The following PPM1B variants were observed in gnomAD, a reference collection of about 807,000 sequenced individuals.
PPM1B encodes protein phosphatase 1B.
A neutral mutation model predicts 43.0 loss-of-function variants in PPM1B; 22 were observed. That is an observed-to-expected ratio of 0.51 (90% CI 0.37 to 0.73). The LOEUF is 0.73. Ranked by LOEUF, PPM1B falls within the 30% of genes least tolerant of loss-of-function variation. The pLI is 0.00. For missense variants in PPM1B, 632 were observed against 584.2 expected (o/e 1.08, Z -0.84); for synonymous variants, 217 against 197.9 (o/e 1.10, Z -0.81).
At chr2:44,171,591 A>G (rs1222560892) in intron 1 of PPM1B, among the ~76,000 whole-genome samples, 1 of 152,092 alleles carries the variant, frequency 6.6e-6, no homozygotes, top group African/African-American at 2.4e-5. Context: ...GCACTTTGGG[A>G]GGCTGAGGCG....
At chr2:44,194,793 T>C (rs1668580385) in intron 1 of PPM1B, among the ~76,000 whole-genome samples, 1 of 152,144 alleles carries the variant, frequency 6.6e-6, no homozygotes. Flanking sequence ...TTTATATCAC[T>C]GGTTTTCTGT....
At chr2:44,240,284 T>C (rs1480988188) in intron 5 of PPM1B, among the ~76,000 whole-genome samples, 2 of 146,206 alleles carry the variant, frequency 1.4e-5, no homozygotes, top group Admixed American at 6.8e-5. Flanking sequence ...CCTATAATTA[T>C]TTTGTGTGTT....
At position 44,209,277 on chromosome 2, in the gene PPM1B, C is replaced by T. The variant is rs765194049; in HGVS notation, c.914C>T (p.Ala305Val). Residue 305 changes from alanine to valine, a missense_variant, in exon 3 of 6, where the codon GCG (alanine) becomes GTG (valine). By Grantham distance (64) the Ala-to-Val change is moderately conservative. Transcript: ENST00000282412. ...FSNAPKVSDEAVKKDSELDKH... is the reference protein window; with the variant it reads ...FSNAPKVSDEVVKKDSELDKH... ...AATGCTCCCAAGGTCTCAGATGAAG[C>T]GGTGAAAAAAGATTCAGAGTTGGAT... 20 of 1,613,314 alleles carry T rather than the reference C, an allele frequency of 1.2e-5. No individual in the cohort carries two copies. Among genetic ancestry groups the T allele is most frequent in the African/African-American group, 9.4e-5 (7 of 74,754 alleles).
chr2:44,204,977 C>G (rs921273173), intron 2 of PPM1B, among the ~76,000 whole-genome samples: 1 of 149,278 alleles, frequency 6.7e-6, no homozygotes, highest in Non-Finnish European at 1.5e-5. Flanking sequence ...AGGTATTTAA[C>G]TCGAGGGGAG....
At chr2:44,178,716 C>T (rs6722776) in intron 1 of PPM1B, among the ~76,000 whole-genome samples, 88,657 of 151,586 alleles carry the variant, frequency 0.58, 26,296 homozygotes, top group Admixed American at 0.67. Context: ...GTGATCCTCC[C>T]GCCATGGCCT....
downstream of PPM1B, among the ~76,000 whole-genome samples, chr2:44,246,443 C>T (rs889277509): frequency 6.6e-6 from 1 of 152,108 alleles, no homozygotes; most frequent in Non-Finnish European, 1.5e-5. Context: ...TCCAGTAACT[C>T]CAAAATTTCA....
chr2:44,231,528 T>TATACCAAAC, downstream of PPM1B: 1 of 818,132 alleles, frequency 1.2e-6, no homozygotes, highest in Non-Finnish European at 1.5e-6. Flanking sequence ...GTTTGGTATA[T>TATACCAAAC]TGGAAGAATA....
intron 5 of PPM1B, among the ~76,000 whole-genome samples, chr2:44,224,249 AT>A (rs1469700160): frequency 1.3e-5 from 2 of 152,054 alleles, no homozygotes; most frequent in Non-Finnish European, 2.9e-5. Flanking sequence ...AGGTCAGGAG[AT>A]TGAGACCATC....
chr2:44,220,203 G>T (rs974496269), intron 5 of PPM1B, among the ~76,000 whole-genome samples: 4 of 151,556 alleles, frequency 2.6e-5, no homozygotes, highest in African/African-American at 9.7e-5. Context: ...AGCCATAGAA[G>T]TACTCCCATT....
At chr2:44,179,826 T>C (rs1667776517) in intron 1 of PPM1B, among the ~76,000 whole-genome samples, 1 of 151,948 alleles carries the variant, frequency 6.6e-6, no homozygotes, top group Non-Finnish European at 1.5e-5. Flanking sequence ...CTGGTCAACA[T>C]GGTGAAACTC....
chr2:44,209,494 T>G, intron 3 of PPM1B, 167 bp downstream of exon 3: 1 of 843,058 alleles, frequency 1.2e-6, no homozygotes, highest in Non-Finnish European at 1.7e-6. Flanking sequence ...TATTTTAAAA[T>G]TTCCTGGTCA....
At chr2:44,205,354 G>GGTGTGTGTGTCGGGGTGT (rs1553333036) in intron 2 of PPM1B, among the ~76,000 whole-genome samples, 93 of 91,820 alleles carry the variant, frequency 1.0e-3, no homozygotes, top group African/African-American at 2.0e-3. Flanking sequence ...TGTGGGTGTG[G>GGTGTGTGTGTCGGGGTGT]GTGTGTGTGT....
intron 1 of PPM1B, among the ~76,000 whole-genome samples, chr2:44,195,959 A>G (rs1286269570): frequency 6.6e-6 from 1 of 152,186 alleles, no homozygotes; most frequent in African/African-American, 2.4e-5. Flanking sequence ...CCTAGCCAGC[A>G]TCCCTCATCA....
At chr2:44,219,075 C>T in intron 5 of PPM1B, 1 of 247,922 alleles carries the variant, frequency 4.0e-6, no homozygotes, top group South Asian at 3.9e-5. Flanking sequence ...TGTACTTCAT[C>T]AGAGCAAGAC....
At chr2:44,217,759 A>C in intron 3 of PPM1B, 1 of 357,026 alleles carries the variant, frequency 2.8e-6, no homozygotes. Flanking sequence ...TATGCAAATA[A>C]CTGTTTTTTC....
At chr2:44,169,837 C>T (rs940860932) in intron 1 of PPM1B, among the ~76,000 whole-genome samples, 1 of 152,176 alleles carries the variant, frequency 6.6e-6, no homozygotes, top group Admixed American at 6.5e-5. Flanking sequence ...GCATCTCTTG[C>T]CTGTCTTCCC....
chr2:44,207,262 G>C (rs767638383), intron 2 of PPM1B, among the ~76,000 whole-genome samples: 1 of 152,162 alleles, frequency 6.6e-6, no homozygotes, highest in African/African-American at 2.4e-5. Flanking sequence ...GCATAAGTCT[G>C]AACCGAGCCA....
downstream of PPM1B, chr2:44,232,205 G>C (rs930092422): frequency 8.9e-6 from 13 of 1,467,686 alleles, no homozygotes; most frequent in South Asian, 1.7e-4. Flanking sequence ...ACCCTTTTCA[G>C]ACAAAGAAAG....
rs186195795 is a variant in PPM1B at position 44,173,194 on chromosome 2, G to C, written c.-15+3920G>C. ...ACTGGCCGGCCAAAAAAGACTAACA[G>C]ACCAGATACTGGAATCAGCGTTATG... On this transcript the variant is annotated intron_variant, in intron 1 of 5. Transcript: ENST00000282412. 3.3e-5 allele frequency among the ~76,000 whole-genome samples: 5 copies of C among 152,222 alleles called. No individual in the cohort carries two copies. In the East Asian group the frequency reaches 5.8e-4, roughly 18 times the overall value.
Sources: gnomAD v4.1 joint callset for allele counts (sites outside exome capture counted in the v4.1 genomes callset) on GRCh38, gnomAD v4.1.1 for gene constraint, MANE v1.5 for transcripts, NCBI Gene and HGNC (gene_info 2026-07-23, HGNC 2026-07-21) for gene names.